Variants in PNLDC1 observed in about 807,000 individuals in gnomAD.
PNLDC1 encodes poly(A)-specific ribonuclease PNLDC1.
PNLDC1 carries 70 observed loss-of-function variants against 82.0 expected under a neutral mutation model. The observed-to-expected ratio is 0.85, with a 90% CI of 0.70 to 1.04. PNLDC1 has a LOEUF of 1.04. Ranked by LOEUF, PNLDC1 falls within the 50% of genes least tolerant of loss-of-function variation. PNLDC1 has a pLI of 0.00. For synonymous variants in PNLDC1, 280 were observed against 249.3 expected (o/e 1.12, Z -1.16); for missense variants, 631 against 661.1 (o/e 0.95, Z 0.50).
In PNLDC1 at chr6:159,817,087, TTC is replaced by T; in HGVS notation, c.1115-20_1115-19del. On this transcript the variant is annotated intron_variant, in intron 14 of 18. Coordinates refer to ENST00000392167, the MANE Select transcript of PNLDC1 (RefSeq NM_001271862.2). ...CACATTTTGATAAGCTCTATTGCAT[TTC>T]TGTCTTTTTTCCTTCCTAGTTCTTT... 1 of 1,604,928 alleles carries T rather than the reference TTC, an allele frequency of 6.2e-7. No homozygotes were observed. Among genetic ancestry groups the T allele is most frequent in the Non-Finnish European group, 8.5e-7 (1 of 1,172,084 alleles).
chr6:159,814,304 A>T (rs6928056), intron 12 of PNLDC1, among the ~76,000 whole-genome samples: 127,653 of 151,980 alleles, frequency 0.84, 54,081 homozygotes, highest in African/African-American at 0.93. Context: ...GCGATTTTTT[A>T]AAACCCATTC....
At chr6:159,817,401 C>T (rs780640277) in intron 15 of PNLDC1, among the ~76,000 whole-genome samples, 3 of 152,206 alleles carry the variant, frequency 2.0e-5, no homozygotes, top group Non-Finnish European at 4.4e-5. Flanking sequence ...CCGCAGATGT[C>T]AGGAGGCCAA....
intron 4 of PNLDC1, 74 bp downstream of exon 4, chr6:159,803,384 C>T (rs1311920228): frequency 7.1e-7 from 1 of 1,402,516 alleles, no homozygotes; most frequent in Non-Finnish European, 1.0e-6. Context: ...CAAATTCTGC[C>T]TCAGGTGCCC....
At chr6:159,809,783 G>A (rs1369345883) in intron 9 of PNLDC1, among the ~76,000 whole-genome samples, 1 of 152,132 alleles carries the variant, frequency 6.6e-6, no homozygotes, top group Non-Finnish European at 1.5e-5. Flanking sequence ...TCACAGTATA[G>A]GTTTCCAGCG....
chr6:159,801,050 G>A, intron 2 of PNLDC1, 63 bp from the exon 3 acceptor site: 4 of 1,563,940 alleles, frequency 2.6e-6, no homozygotes, highest in Non-Finnish European at 2.6e-6. Flanking sequence ...GTCCTGCCGC[G>A]GAGGCCATAG....
chr6:159,816,638 T>C lies in PNLDC1; in HGVS notation c.1114+42T>C. 3 of 1,576,248 alleles carry C rather than the reference T, an allele frequency of 1.9e-6. No individual in the cohort carries two copies. The South Asian group carries it at 3.3e-5, about 17-fold the overall frequency. On this transcript the variant is annotated intron_variant, in intron 14 of 18. Transcript: ENST00000392167. ...CTTTAAAAGGAAACTCACTTTTTTT[T>C]TTTTTTTTTCTGAGACAGGGTCTCA...
intron 16 of PNLDC1, 45 bp from the exon 17 acceptor site, chr6:159,818,901 C>A: frequency 6.3e-7 from 1 of 1,589,488 alleles, no homozygotes; most frequent in South Asian, 1.1e-5. Flanking sequence ...GATAAGAAGT[C>A]AGGAAGAACT....
In PNLDC1 at chr6:159,813,740, G is replaced by A. The variant is rs542093090; in HGVS notation, c.995+84G>A. ...CCGCAGGCCTTTGGGCTCTCTAGGCGTGCCCACCATTCACAGTGATGCCTG... is the reference window on the plus strand; with the variant it reads ...CCGCAGGCCTTTGGGCTCTCTAGGCATGCCCACCATTCACAGTGATGCCTG... On this transcript the variant is annotated intron_variant, in intron 12 of 18. Coordinates refer to ENST00000392167, the MANE Select transcript of PNLDC1 (RefSeq NM_001271862.2). The A allele has an allele frequency of 2.4e-4, 295 of 1,233,814 alleles. 1 individual carries two copies. The African/African-American group carries it at 4.1e-3, about 17-fold the overall frequency. 76.4% of individuals were successfully genotyped at this position (1,233,814 alleles called of 1,614,324 possible).
In PNLDC1 at chr6:159,807,749, A is replaced by G. The variant is rs115331893; in HGVS notation, c.563-991A>G. Among the ~76,000 whole-genome samples the G allele has an allele frequency of 6.3e-3, 955 of 152,360 alleles. 11 individuals carry two copies. Among genetic ancestry groups the G allele is most frequent in the African/African-American group, 0.022 (921 of 41,580 alleles). ...CAGTGGATTGTAATGTAGCAGTACA[A>G]TAAAACTCATTAATGATGGTTTCAG... On this transcript the variant is annotated intron_variant, in intron 7 of 18. Transcript: ENST00000392167.
Position 159,819,225 on chromosome 6 carries a change from G to A in PNLDC1, c.1434-29G>A. 6.2e-7 allele frequency: 1 copy of A among 1,613,082 alleles called. No homozygotes were observed. Among genetic ancestry groups the A allele is most frequent in the Non-Finnish European group, 8.5e-7 (1 of 1,179,630 alleles). ...AGCAGGCGGCGCCATCCTGCTGCCT[G>A]GCTGACCACAGCAAACTTGTTTTGG... On this transcript the variant is annotated intron_variant, in intron 17 of 18. Coordinates refer to ENST00000392167, the MANE Select transcript of PNLDC1 (RefSeq NM_001271862.2). The surrounding 1 kb of genome is among the most constrained non-coding windows in gnomAD (Gnocchi z 4.6).
chr6:159,815,882 T>A, intron 12 of PNLDC1, 87 bp from the exon 13 acceptor site: 1 of 1,052,054 alleles, frequency 9.5e-7, no homozygotes, highest in Non-Finnish European at 1.4e-6. Flanking sequence ...TTTAAAAAAT[T>A]TATATTAACT....
chr6:159,805,818 A>G (rs1242194304), intron 6 of PNLDC1, 165 bp from the exon 7 acceptor site: 3 of 611,002 alleles, frequency 4.9e-6, no homozygotes, highest in Admixed American at 2.5e-5. Flanking sequence ...TTGGCTTCCT[A>G]TTGCATAAGA....
chr6:159,803,105 A>G (rs1781322142), intron 3 of PNLDC1, among the ~76,000 whole-genome samples, 166 bp from the exon 4 acceptor site: 1 of 152,200 alleles, frequency 6.6e-6, no homozygotes, highest in Admixed American at 6.5e-5. Context: ...GACATTTCTC[A>G]TGCTTCCAGT....
intron 10 of PNLDC1, among the ~76,000 whole-genome samples, 173 bp downstream of exon 10, chr6:159,810,268 C>T (rs1012458500): frequency 6.6e-6 from 1 of 152,110 alleles, no homozygotes; most frequent in East Asian, 1.9e-4. Flanking sequence ...TACTGTCTCC[C>T]CAGAGTGGAA....
chr6:159,803,520 G>C (rs1226664167), intron 4 of PNLDC1: 1 of 590,992 alleles, frequency 1.7e-6, no homozygotes, highest in Non-Finnish European at 3.0e-6. Flanking sequence ...CGCCAGCCTT[G>C]CTCTGTACCT....
chr6:159,813,882 C>A (rs1781726964), intron 12 of PNLDC1, among the ~76,000 whole-genome samples: 1 of 152,196 alleles, frequency 6.6e-6, no homozygotes, highest in Non-Finnish European at 1.5e-5. Flanking sequence ...TCAACCCCTG[C>A]CCCTCAAACA....
At chr6:159,808,957 T>G in intron 8 of PNLDC1, 58 bp from the exon 9 acceptor site, 10 of 1,597,490 alleles carry the variant, frequency 6.3e-6, no homozygotes, top group Non-Finnish European at 8.5e-6. Context: ...GCAGAGCCAT[T>G]TCTTTAGGCC....
chr6:159,802,543 G>A (rs1781299428), intron 3 of PNLDC1, among the ~76,000 whole-genome samples: 1 of 151,808 alleles, frequency 6.6e-6, no homozygotes, highest in Admixed American at 6.6e-5. Flanking sequence ...GAGAAGTATA[G>A]GAAACAGTTG....
upstream of PNLDC1, chr6:159,800,275 T>A (rs995433051): frequency 2.0e-5 from 30 of 1,533,248 alleles, no homozygotes; most frequent in Non-Finnish European, 2.6e-5. Context: ...CAGCACGTGA[T>A]AGCGCTGGGC....
Sources: gnomAD v4.1 joint callset for allele counts (sites outside exome capture counted in the v4.1 genomes callset) on GRCh38, gnomAD v4.1.1 for gene constraint, Gnocchi (gnomAD v3.1) non-coding constraint, MANE v1.5 for transcripts, NCBI Gene and HGNC (gene_info 2026-07-23, HGNC 2026-07-21) for gene names.